The following PIH1D1 variants were observed in gnomAD, a reference collection of about 807,000 sequenced individuals.
The protein encoded by PIH1D1 is PIH1 domain-containing protein 1.
A neutral mutation model predicts 38.5 loss-of-function variants in PIH1D1; 28 were observed. The ratio of observed to expected loss-of-function variants is 0.73; its 90% confidence interval spans 0.54 to 1.00. PIH1D1 has a LOEUF of 1.00. Ranked by LOEUF, PIH1D1 falls within the 50% of genes least tolerant of loss-of-function variation. The probability of loss-of-function intolerance (pLI) is 0.00; values close to 1 mark genes in which losing one functional copy is unlikely to be tolerated. For synonymous variants in PIH1D1, 155 were observed against 153.5 expected, an observed-to-expected ratio of 1.01 and a Z score of -0.07; for missense variants, 343 against 369.9, an observed-to-expected ratio of 0.93 and a Z score of 0.60.
At chr19:49,446,909 C>A (rs2079026938) in intron 7 of PIH1D1, 115 bp downstream of exon 7, 3 of 1,132,586 alleles carry the variant, frequency 2.6e-6, no homozygotes, top group Non-Finnish European at 4.0e-6. Flanking sequence ...GGCCTCCTGG[C>A]AGAGAGGACG....
At chr19:49,446,920 C>A (rs1239325666) in intron 7 of PIH1D1, 104 bp downstream of exon 7, 1 of 1,174,238 alleles carries the variant, frequency 8.5e-7, no homozygotes, top group African/African-American at 1.5e-5. Flanking sequence ...AGAGAGGACG[C>A]AACTGACAAG....
intron 2 of PIH1D1, 66 bp from the exon 3 acceptor site, chr19:49,449,720 C>T (rs1601003267): frequency 7.4e-6 from 10 of 1,359,612 alleles, no homozygotes; most frequent in Non-Finnish European, 1.0e-5. Flanking sequence ...TCCATTGTCT[C>T]CAGGCTCTGT....
At chr19:49,449,732 T>C (rs766206006) in intron 2 of PIH1D1, 78 bp from the exon 3 acceptor site, 23 of 1,261,200 alleles carry the variant, frequency 1.8e-5, no homozygotes, top group Middle Eastern at 2.0e-4. Context: ...AGGCTCTGTC[T>C]CTTTTCCTTT....
chr19:49,448,146 A>G, intron 3 of PIH1D1, 84 bp from the exon 4 acceptor site: 1 of 1,359,678 alleles, frequency 7.4e-7, no homozygotes, highest in Non-Finnish European at 1.0e-6. Flanking sequence ...AGAAACATTC[A>G]GGGACAGCGG....
At chr19:49,447,680 G>A (rs2079032826) in intron 5 of PIH1D1, 147 bp downstream of exon 5, 1 of 978,954 alleles carries the variant, frequency 1.0e-6, no homozygotes. Context: ...TCCTGGCCCC[G>A]CCCCCTCAGG....
At chr19:49,450,667 G>A (rs1185755416) in intron 2 of PIH1D1, 115 bp downstream of exon 2, 1 of 881,414 alleles carries the variant, frequency 1.1e-6, no homozygotes, top group South Asian at 1.6e-5. Context: ...ATCTCTGTGG[G>A]TGTCTGCTCA....
At chr19:49,449,421 T>C in intron 3 of PIH1D1, 54 bp downstream of exon 3, 1 of 1,561,250 alleles carries the variant, frequency 6.4e-7, no homozygotes, top group Non-Finnish European at 8.8e-7. Context: ...TCTTGGGTTC[T>C]AGGGAAGAAG....
At chr19:49,449,794 CTTTT>C (rs61447252) in intron 2 of PIH1D1, 140 bp from the exon 3 acceptor site, 16,450 of 492,314 alleles carry the variant, frequency 0.033, 2 homozygotes, top group Middle Eastern at 0.058. Context: ...CCTCACTTCT[CTTTT>C]TTTTTTTTTT....
At chr19:49,450,450 G>T (rs985256841) in intron 2 of PIH1D1, among the ~76,000 whole-genome samples, 1 of 151,572 alleles carries the variant, frequency 6.6e-6, no homozygotes, top group African/African-American at 2.4e-5. Flanking sequence ...ACAGAGTCTC[G>T]CTCTGTCACC....
chr19:49,447,802 C>T, intron 5 of PIH1D1, 25 bp downstream of exon 5: 1 of 1,609,182 alleles, frequency 6.2e-7, no homozygotes, highest in Non-Finnish European at 8.5e-7. Context: ...CACTCTTTCC[C>T]GAGGGCCCAG....
At chr19:49,449,286 G>A (rs1347092030) in intron 3 of PIH1D1, 189 bp downstream of exon 3, 1 of 706,738 alleles carries the variant, frequency 1.4e-6, no homozygotes, top group South Asian at 1.5e-5. Context: ...GCCTGGCCAG[G>A]TGGCAGAACC....
At position 49,446,512 on chromosome 19, in the gene PIH1D1, G is replaced by A. The variant is rs377692122; in HGVS notation, c.831+39C>T. The A allele has an allele frequency of 1.7e-5, 27 of 1,605,714 alleles. 1 individual carries two copies. Among genetic ancestry groups the A allele is most frequent in the South Asian group, 1.4e-4 (13 of 90,924 alleles). ...CCCTGGGAGACAGAGTCCAGGCCCC[G>A]CCAATGTCCCAGCTTCCCCAAGCCC... On this transcript the variant is annotated intron_variant, in intron 8 of 8. Coordinates refer to ENST00000262265, the MANE Select transcript of PIH1D1 (RefSeq NM_017916.3).
In PIH1D1 at chr19:49,449,521, A is replaced by C; in HGVS notation, c.291T>G (p.Phe97Leu). The stretch of plus-strand genomic sequence containing the variant: ...GCTCTCCCAGACTCATGGGGATGCG[A>C]AACCCAGCTTGGTCCTCCTCTAGCA... The part of the protein sequence containing the change: ...LQMLEEDQAG[F>L]RIPMSLGEPH... The change falls in exon 3 of 9, where the codon TTT becomes TTG. Residue 97 changes from phenylalanine (F) to leucine (L), a missense_variant. Physicochemically the swap from Phe to Leu is conservative, Grantham distance 22. Coordinates refer to ENST00000262265, the MANE Select transcript of PIH1D1 (RefSeq NM_017916.3). 1 of 1,614,156 alleles carries C rather than the reference A, an allele frequency of 6.2e-7. No individual in the cohort carries two copies. Among genetic ancestry groups the C allele is most frequent in the Non-Finnish European group, 8.5e-7 (1 of 1,180,012 alleles).
At chr19:49,448,160 TAAG>T (rs1238369244) in intron 3 of PIH1D1, 98 bp from the exon 4 acceptor site, 3 of 1,227,052 alleles carry the variant, frequency 2.4e-6, no homozygotes, top group Admixed American at 3.9e-5. Context: ...ACAGCGGCCG[TAAG>T]AAGCAGAGAG....
Position 49,447,357 on chromosome 19 carries a change from G to A in PIH1D1, c.592C>T (p.Pro198Ser). 1.2e-6 allele frequency: 2 copies of A among 1,613,896 alleles called. No homozygotes were observed. Reference sequence around the variant, plus strand: ...GCCCACCCTGACTCAGCTCTCCCGGGGGCGGGCGTGTACAGGTCCCCCAGC... The same window carrying A: ...GCCCACCCTGACTCAGCTCTCCCGGAGGCGGGCGTGTACAGGTCCCCCAGC... ...QELGDLYTPA[P>S]GRAESGPEKP... is the part of the protein sequence containing the mutation. Residue 198 changes from proline (P) to serine (S), a missense_variant, in exon 6 of 9, where the codon CCC becomes TCC. By Grantham distance (74) the Pro-to-Ser change is moderately conservative. Transcript: ENST00000262265.
At position 49,447,029 on chromosome 19, in the gene PIH1D1, T is replaced by G. The variant is rs1373101732; in HGVS notation, c.682A>C (p.Lys228Gln). 1 of 1,612,978 alleles carries G rather than the reference T, an allele frequency of 6.2e-7. No homozygotes were observed. Among genetic ancestry groups the G allele is most frequent in the South Asian group, 1.1e-5 (1 of 91,040 alleles). ...DLLLAEVDLP[K>Q]LDGALGLSLE... is the part of the protein sequence containing the mutation. ...GTCCAGCGCGCAAAACTCACCAGTTTGGGGAGGTCAACTTCGGCCAAGAGG... is the reference window on the plus strand; with the variant it reads ...GTCCAGCGCGCAAAACTCACCAGTTGGGGGAGGTCAACTTCGGCCAAGAGG... The change falls in exon 7 of 9, where the codon AAA becomes CAA. Residue 228 changes from lysine to glutamine, a missense_variant. Coordinates refer to ENST00000262265, the MANE Select transcript of PIH1D1 (RefSeq NM_017916.3).
chr19:49,446,903 T>A, intron 7 of PIH1D1, 121 bp downstream of exon 7: 1 of 1,112,468 alleles, frequency 9.0e-7, no homozygotes, highest in Non-Finnish European at 1.4e-6. Flanking sequence ...CCTGTGGGCC[T>A]CCTGGCAGAG....
chr19:49,448,366 G>A, intron 3 of PIH1D1: 1 of 459,358 alleles, frequency 2.2e-6, no homozygotes, highest in South Asian at 2.4e-5. Flanking sequence ...GCCTGGCGTT[G>A]GAGACCCTAT....
Position 49,447,068 on chromosome 19 carries a change from C to T in PIH1D1, c.643G>A (p.Glu215Lys). The change falls in exon 7 of 9, where the codon GAA (glutamate) becomes AAA (lysine). Residue 215 changes from glutamate (E) to lysine (K), a missense_variant. Coordinates refer to ENST00000262265, the MANE Select transcript of PIH1D1 (RefSeq NM_017916.3). The stretch of plus-strand genomic sequence containing the variant: ...TCGGCCAAGAGGAGGTCGGGGGCTT[C>T]CAGCCACAGGTTCAGGTGAGGCTTT... ...PEKPHLNLWL[E>K]APDLLLAEVD... 2.5e-6 allele frequency: 4 copies of T among 1,613,618 alleles called. No individual in the cohort carries two copies. The highest frequency in any genetic ancestry group is 3.4e-6 in the Non-Finnish European group (4 of 1,179,848).
Sources: gnomAD v4.1 joint callset for allele counts (sites outside exome capture counted in the v4.1 genomes callset) on GRCh38, gnomAD v4.1.1 for gene constraint, MANE v1.5 for transcripts, NCBI Gene and HGNC (gene_info 2026-07-23, HGNC 2026-07-21) for gene names.